Variants in CERS6 observed in about 807,000 individuals in gnomAD.
CERS6 encodes ceramide synthase 6.
In CERS6, 26 loss-of-function variants were observed where a neutral mutation model predicts 56.8. The observed-to-expected ratio is 0.46, with a 90% CI of 0.34 to 0.63. The LOEUF (loss-of-function observed/expected upper bound fraction) is 0.63, where lower values mean the gene tolerates loss of function less well. Among genes scored for constraint, CERS6 ranks in the 30% least tolerant of loss-of-function variants. CERS6 has a pLI of 0.01. For synonymous variants in CERS6, 164 were observed against 173.3 expected (o/e 0.95, Z 0.42); for missense variants, 415 against 467.5 (o/e 0.89, Z 1.04).
chr2:168,702,870 C>T lies in CERS6; in HGVS notation c.609+7819C>T, dbSNP rs141239132. Among the ~76,000 whole-genome samples the T allele has an allele frequency of 2.6e-5, 4 of 152,298 alleles. No homozygotes were observed. In the South Asian group the frequency reaches 6.2e-4, roughly 24 times the overall value. ...TCTTCCTTCTCCAGCTATGTATTAT[C>T]GTGGTACTGGGTTTTCACCAAATAC... On this transcript the variant is annotated intron_variant, in intron 6 of 9. Coordinates refer to ENST00000305747, the MANE Select transcript of CERS6 (RefSeq NM_203463.3).
intron 4 of CERS6, among the ~76,000 whole-genome samples, chr2:168,672,285 T>C (rs1297475050): frequency 6.6e-6 from 1 of 152,222 alleles, no homozygotes; most frequent in African/African-American, 2.4e-5. Flanking sequence ...AATCTTGTTT[T>C]TCAGTTGTTT....
intron 1 of CERS6, among the ~76,000 whole-genome samples, chr2:168,526,350 A>G (rs1695071904): frequency 6.6e-6 from 1 of 152,186 alleles, no homozygotes; most frequent in African/African-American, 2.4e-5. Context: ...TCTGGCATTG[A>G]GGGGATATTC....
intron 3 of CERS6, among the ~76,000 whole-genome samples, chr2:168,602,359 T>G (rs912153185): frequency 1.3e-5 from 2 of 152,264 alleles, no homozygotes; most frequent in Non-Finnish European, 2.9e-5. Flanking sequence ...TCTATAATTT[T>G]AGTACTTTTG....
intron 3 of CERS6, among the ~76,000 whole-genome samples, chr2:168,629,515 G>T (rs1480557796): frequency 6.6e-6 from 1 of 152,192 alleles, no homozygotes; most frequent in Non-Finnish European, 1.5e-5. Context: ...GATATTAACA[G>T]ATTTGCCCAA....
chr2:168,713,503 C>T (rs560077297), intron 6 of CERS6, among the ~76,000 whole-genome samples: 1 of 152,246 alleles, frequency 6.6e-6, no homozygotes, highest in East Asian at 1.9e-4. Context: ...CACTATATTT[C>T]TAAGCAACAG....
At chr2:168,759,067 A>C (rs1175495325) in intron 8 of CERS6, among the ~76,000 whole-genome samples, 5 of 152,236 alleles carry the variant, frequency 3.3e-5, no homozygotes, top group African/African-American at 9.6e-5. Flanking sequence ...AATGAGCTGA[A>C]GTAACTACAG....
At chr2:168,616,993 T>G (rs1289574358) in intron 3 of CERS6, among the ~76,000 whole-genome samples, 1 of 151,954 alleles carries the variant, frequency 6.6e-6, no homozygotes, top group East Asian at 1.9e-4. Flanking sequence ...GCCACAAAAG[T>G]CTCAATAAAT....
intron 3 of CERS6, among the ~76,000 whole-genome samples, chr2:168,581,720 G>C (rs1206601373): frequency 6.6e-6 from 1 of 152,154 alleles, no homozygotes; most frequent in East Asian, 1.9e-4. Flanking sequence ...CATAGGGGAA[G>C]CATAGTTGTT....
intron 1 of CERS6, among the ~76,000 whole-genome samples, chr2:168,536,555 A>C (rs2105365879): frequency 6.6e-6 from 1 of 152,328 alleles, no homozygotes; most frequent in East Asian, 1.9e-4. Flanking sequence ...CACACCTCAA[A>C]TATACACAAC....
intron 4 of CERS6, among the ~76,000 whole-genome samples, chr2:168,643,690 A>G (rs1467259389): frequency 1.3e-5 from 2 of 152,150 alleles, no homozygotes; most frequent in African/African-American, 4.8e-5. Context: ...TTCGGCTCAC[A>G]GTGGCTGCCT....
chr2:168,559,782 A>G (rs1047040131), intron 2 of CERS6, among the ~76,000 whole-genome samples: 40 of 84,276 alleles, frequency 4.7e-4, no homozygotes, highest in African/African-American at 1.5e-3. Context: ...AAGTTTGGTC[A>G]TTGTGCCTTC....
chr2:168,744,609 A>G (rs879782548), intron 8 of CERS6, among the ~76,000 whole-genome samples: 1 of 152,226 alleles, frequency 6.6e-6, no homozygotes, highest in Admixed American at 6.5e-5. Flanking sequence ...TCAAAAGTTA[A>G]GGATTTTAAA....
intron 3 of CERS6, among the ~76,000 whole-genome samples, chr2:168,567,892 C>T (rs1423204834): frequency 6.6e-6 from 1 of 152,232 alleles, no homozygotes; most frequent in African/African-American, 2.4e-5. Context: ...GGCAGCATTG[C>T]TTTCATTACA....
At chr2:168,577,745 C>T (rs1683312346) in intron 3 of CERS6, among the ~76,000 whole-genome samples, 1 of 152,044 alleles carries the variant, frequency 6.6e-6, no homozygotes, top group Non-Finnish European at 1.5e-5. Context: ...CTGGTTGTCT[C>T]CATCATCCCA....
chr2:168,546,899 A>G (rs1695475578), intron 1 of CERS6, among the ~76,000 whole-genome samples: 1 of 152,196 alleles, frequency 6.6e-6, no homozygotes, highest in African/African-American at 2.4e-5. Flanking sequence ...TCACACAGCA[A>G]ATGCGACCAG....
At chr2:168,717,592 A>G (rs1461148677) in intron 7 of CERS6, among the ~76,000 whole-genome samples, 2 of 152,228 alleles carry the variant, frequency 1.3e-5, no homozygotes, top group Non-Finnish European at 2.9e-5. Context: ...TCTGAAATCA[A>G]CCATACAAAT....
chr2:168,667,786 T>A (rs1309165506), intron 4 of CERS6, among the ~76,000 whole-genome samples: 1 of 152,206 alleles, frequency 6.6e-6, no homozygotes, highest in African/African-American at 2.4e-5. Flanking sequence ...TCCAAGATAA[T>A]AGGCTAGACC....
At chr2:168,685,924 A>G (rs1686337322) in intron 4 of CERS6, among the ~76,000 whole-genome samples, 1 of 151,566 alleles carries the variant, frequency 6.6e-6, no homozygotes, top group African/African-American at 2.4e-5. Context: ...TTTCTCATCC[A>G]CTGTGATATG....
At chr2:168,485,602 T>C (rs935818029) in intron 1 of CERS6, among the ~76,000 whole-genome samples, 1 of 152,212 alleles carries the variant, frequency 6.6e-6, no homozygotes, top group African/African-American at 2.4e-5. Context: ...TCATACAGTG[T>C]GTAACCTTTT....
Sources: allele counts gnomAD v4.1 joint callset (sites outside exome capture counted in the v4.1 genomes callset), GRCh38; gene constraint gnomAD v4.1.1; transcripts MANE v1.5; gene names NCBI Gene and HGNC (gene_info 2026-07-23, HGNC 2026-07-21).